Variants in SMPDL3A observed in about 807,000 individuals in gnomAD.
The protein encoded by SMPDL3A is cyclic GMP-AMP phosphodiesterase SMPDL3A.
SMPDL3A carries 39 observed loss-of-function variants against 38.5 expected under a neutral mutation model. That is an observed-to-expected ratio of 1.01 (90% CI 0.78 to 1.32). The LOEUF (loss-of-function observed/expected upper bound fraction) is 1.32, where lower values mean the gene tolerates loss of function less well. SMPDL3A is among the 40% of genes most tolerant of loss of function. The pLI is 0.00. For missense variants in SMPDL3A, 502 were observed against 536.2 expected (o/e 0.94, Z 0.63); for synonymous variants, 180 against 194.3 (o/e 0.93, Z 0.61).
chr6:122,794,390 A>G (rs146567592), intron 1 of SMPDL3A, among the ~76,000 whole-genome samples: 3,533 of 152,138 alleles, frequency 0.023, 50 homozygotes, highest in Non-Finnish European at 0.037. Flanking sequence ...GAGGTCAGGA[A>G]ATCGAGACCA....
chr6:122,807,356 C>G (rs375336124), intron 7 of SMPDL3A, among the ~76,000 whole-genome samples: 3 of 152,076 alleles, frequency 2.0e-5, no homozygotes, highest in East Asian at 3.9e-4. Flanking sequence ...AAAGTTAGCT[C>G]GGCGTGGCGG....
intron 7 of SMPDL3A, among the ~76,000 whole-genome samples, chr6:122,808,074 AAAT>A (rs1284766291): frequency 6.6e-6 from 1 of 152,136 alleles, no homozygotes; most frequent in East Asian, 1.9e-4. Context: ...AAAAATATAA[AAAT>A]AATTTCTTAT....
chr6:122,803,684 G>A lies in SMPDL3A; in HGVS notation c.589G>A (p.Val197Ile), dbSNP rs760218950. The A allele has an allele frequency of 6.8e-6, 11 of 1,611,964 alleles. No individual in the cohort carries two copies. Among genetic ancestry groups the A allele is most frequent in the Middle Eastern group, 3.3e-4 (2 of 6,076 alleles). ...LRKGGFYSQK[V>I]TTNPNLRIIS... ...TATAGGTGGTTTTTATTCACAGAAAGTTACAACTAATCCAAACCTTAGGAT... is the reference window on the plus strand; with the variant it reads ...TATAGGTGGTTTTTATTCACAGAAAATTACAACTAATCCAAACCTTAGGAT... Residue 197 changes from valine to isoleucine, a missense_variant, in exon 5 of 8, where the codon GTT becomes ATT. By Grantham distance (29) the Val-to-Ile change is conservative. Transcript: ENST00000368440.
intron 6 of SMPDL3A, 128 bp from the exon 7 acceptor site, chr6:122,806,105 C>G (rs190351466): frequency 3.2e-5 from 22 of 684,312 alleles, no homozygotes; most frequent in Non-Finnish European, 4.0e-5. Context: ...TGTTTCAAGT[C>G]AGTATCCATT....
In SMPDL3A at chr6:122,796,804, C is replaced by A. The variant is rs1297873535; in HGVS notation, c.327-20C>A. On this transcript the variant is annotated intron_variant, in intron 2 of 7. Coordinates refer to ENST00000368440, the MANE Select transcript of SMPDL3A (RefSeq NM_006714.5). ...TTTATGAAACTGATTTTGTTCTTTA[C>A]AATCTCTCTCTTTTTTCAGGGATAG... 1 of 1,605,212 alleles carries A rather than the reference C, an allele frequency of 6.2e-7. No individual in the cohort carries two copies. Among genetic ancestry groups the A allele is most frequent in the Non-Finnish European group, 8.5e-7 (1 of 1,175,356 alleles).
intron 4 of SMPDL3A, among the ~76,000 whole-genome samples, chr6:122,801,790 T>C (rs1781436471): frequency 6.6e-6 from 1 of 152,208 alleles, no homozygotes; most frequent in African/African-American, 2.4e-5. Context: ...GCTGGTAAAG[T>C]GAGGATAACT....
intron 3 of SMPDL3A, chr6:122,797,419 A>C (rs116071282): frequency 0.025 from 3,796 of 152,710 alleles, 165 homozygotes; most frequent in African/African-American, 0.086. Flanking sequence ...AAAAACTTAC[A>C]AATTGCCATA....
chr6:122,794,350 C>T (rs1781171801), intron 1 of SMPDL3A, among the ~76,000 whole-genome samples: 1 of 152,112 alleles, frequency 6.6e-6, no homozygotes, highest in Admixed American at 6.5e-5. Flanking sequence ...GTAATCCCAG[C>T]ACTTTAGGAG....
chr6:122,805,041 T>C lies in SMPDL3A; in HGVS notation c.871T>C (p.Tyr291His). 1.9e-6 allele frequency: 3 copies of C among 1,613,144 alleles called. No individual in the cohort carries two copies. The highest frequency in any genetic ancestry group is 2.5e-6 in the Non-Finnish European group (3 of 1,179,780). ...KYSDVIAGQF[Y>H]GHTHRDSIMV... ...CAGTGATGTCATTGCAGGACAATTT[T>C]ATGGACACACTCACAGAGACAGCAT... Residue 291 changes from tyrosine (Y) to histidine (H), a missense_variant, in exon 6 of 8, where the codon TAT becomes CAT. Tyr to His is a moderately conservative substitution (Grantham distance 83, BLOSUM62 2). Transcript: ENST00000368440.
intron 1 of SMPDL3A, among the ~76,000 whole-genome samples, chr6:122,792,737 G>C (rs562618990): frequency 3.3e-5 from 5 of 151,054 alleles, no homozygotes; most frequent in Non-Finnish European, 7.4e-5. Context: ...TGGCTCAAGA[G>C]ATCCTTCCTA....
chr6:122,790,197 C>T (rs1183487720), intron 1 of SMPDL3A, among the ~76,000 whole-genome samples: 1 of 152,158 alleles, frequency 6.6e-6, no homozygotes, highest in African/African-American at 2.4e-5. Context: ...AAATTGTTAG[C>T]ATTGCAAATT....
intron 3 of SMPDL3A, among the ~76,000 whole-genome samples, chr6:122,800,803 T>G (rs962400639): frequency 6.6e-6 from 1 of 152,176 alleles, no homozygotes; most frequent in African/African-American, 2.4e-5. Context: ...CAGGCTGAAG[T>G]GCAGTGGTGC....
rs1781617522 is a variant in SMPDL3A at position 122,806,319 on chromosome 6, A to C, written c.1006A>C (p.Arg336=). 2.5e-6 allele frequency: 4 copies of C among 1,613,444 alleles called. No homozygotes were observed. The East Asian group carries it at 8.9e-5, about 36-fold the overall frequency. ...LEKQTNNPGI[R]LFQYDPRDYK... ...AAAACAGACCAACAATCCTGGTATC[A>C]GACTGTTTCAGTATGATCCTCGTGA... The change falls in exon 7 of 8, where the codon AGA becomes CGA. Residue 336 remains arginine, a synonymous_variant. Coordinates refer to ENST00000368440, the MANE Select transcript of SMPDL3A (RefSeq NM_006714.5).
chr6:122,808,648 CTCCTCCCCCCTCCCTCCCT>C (rs1468682839), intron 7 of SMPDL3A, among the ~76,000 whole-genome samples: 1 of 52,422 alleles, frequency 1.9e-5, no homozygotes, highest in Non-Finnish European at 3.6e-5. Context: ...CCTTCCCCCC[CTCCTCCCCCCTCCCTCCCT>C]CTCCTTCTTT....
intron 1 of SMPDL3A, among the ~76,000 whole-genome samples, chr6:122,790,495 G>GT (rs1781043955): frequency 6.6e-6 from 1 of 152,164 alleles, no homozygotes; most frequent in African/African-American, 2.4e-5. Context: ...TTGTCCCTGA[G>GT]ACTCGGTAGC....
chr6:122,796,361 T>C (rs1781248403), intron 2 of SMPDL3A, among the ~76,000 whole-genome samples: 1 of 152,244 alleles, frequency 6.6e-6, no homozygotes, highest in Non-Finnish European at 1.5e-5. Flanking sequence ...GGCTTGGCAC[T>C]GTTTTAATTA....
chr6:122,793,060 ATC>A (rs1781128784), intron 1 of SMPDL3A, among the ~76,000 whole-genome samples: 1 of 152,180 alleles, frequency 6.6e-6, no homozygotes, highest in South Asian at 2.1e-4. Flanking sequence ...CTTGAATTTA[ATC>A]TCTGTGTGCT....
At chr6:122,793,523 A>G (rs767013681) in intron 1 of SMPDL3A, among the ~76,000 whole-genome samples, 6 of 152,252 alleles carry the variant, frequency 3.9e-5, no homozygotes, top group African/African-American at 1.4e-4. Context: ...GCTATTTGCC[A>G]TCTTTACTTT....
At chr6:122,802,684 A>G (rs1267390247) in intron 4 of SMPDL3A, among the ~76,000 whole-genome samples, 1 of 152,222 alleles carries the variant, frequency 6.6e-6, no homozygotes, top group Non-Finnish European at 1.5e-5. Context: ...AGAAAAAGCC[A>G]TATGAGTTTC....
Sources: allele counts gnomAD v4.1 joint callset (sites outside exome capture counted in the v4.1 genomes callset), GRCh38; gene constraint gnomAD v4.1.1; transcripts MANE v1.5; gene names NCBI Gene and HGNC (gene_info 2026-07-23, HGNC 2026-07-21).